The following PTPRU variants were observed in gnomAD, a reference collection of about 807,000 sequenced individuals.
The protein encoded by PTPRU is receptor-type tyrosine-protein phosphatase U.
Under a neutral mutation model 166.3 loss-of-function variants are expected in PTPRU, and 69 were observed. The ratio of observed to expected loss-of-function variants is 0.41; its 90% confidence interval spans 0.34 to 0.51. The LOEUF (loss-of-function observed/expected upper bound fraction) is 0.51. PTPRU is among the 20% of genes least tolerant of loss of function. The probability of loss-of-function intolerance (pLI) is 0.09; values close to 1 mark genes in which losing one functional copy is unlikely to be tolerated. For synonymous variants in PTPRU, 793 were observed against 814.0 expected, an observed-to-expected ratio of 0.97 and a Z score of 0.44; for missense variants, 1,657 against 2,013.7, an observed-to-expected ratio of 0.82 and a Z score of 3.39.
In PTPRU at chr1:29,260,677, C is replaced by T; in HGVS notation, c.918C>T (p.Leu306=). Residue 306 remains leucine, a synonymous_variant, in exon 7 of 30, where the codon CTC becomes CTT. Transcript: ENST00000373779. This position sits in a 1 kb window ranked among gnomAD's most constrained non-coding sequence, Gnocchi z 8.3. ...GCCCCACCTACCTCATCATCCAGCT[C>T]AACACCAACTCCATCATTGGCGACG... ...RAGPTYLIIQ[L]NTNSIIGDGP... is the part of the protein sequence containing the mutation. The T allele has an allele frequency of 6.4e-7, 1 of 1,568,740 alleles. No individual in the cohort carries two copies. Among genetic ancestry groups the T allele is most frequent in the Non-Finnish European group, 8.7e-7 (1 of 1,154,810 alleles).
intron 7 of PTPRU, among the ~76,000 whole-genome samples, chr1:29,272,268 A>G (rs891305962): frequency 2.0e-5 from 3 of 152,250 alleles, no homozygotes; most frequent in Admixed American, 6.5e-5. Context: ...CCCAGGATAC[A>G]GGGAGCAGTG....
chr1:29,261,388 G>C (rs1457848020), intron 7 of PTPRU, among the ~76,000 whole-genome samples: 1 of 152,138 alleles, frequency 6.6e-6, no homozygotes, highest in African/African-American at 2.4e-5. Context: ...TTGAGCCTGA[G>C]GTCTGCTCTT....
intron 8 of PTPRU, among the ~76,000 whole-genome samples, chr1:29,276,430 C>G (rs1006731398): frequency 6.6e-6 from 1 of 152,184 alleles, no homozygotes; most frequent in Non-Finnish European, 1.5e-5. Context: ...ATCACTCTAC[C>G]TCAGCCTCCC....
In PTPRU at chr1:29,277,634, C is replaced by CA. The variant is rs765813947; in HGVS notation, c.1454-1376dup. Among the ~76,000 whole-genome samples, 25 of 152,052 alleles carry CA rather than the reference C, an allele frequency of 1.6e-4. 1 individual carries two copies. The highest frequency in any genetic ancestry group is 1.2e-3 in the East Asian group (6 of 5,196). On this transcript the variant is annotated intron_variant, in intron 8 of 29. Coordinates refer to ENST00000373779, the MANE Select transcript of PTPRU (RefSeq NM_133178.4). ...ACTAATATTTAGCCCTTAGCACATT[C>CA]AAGCACCATTCTGAATGGTTTTGAT... is the stretch of plus-strand genomic sequence containing the variant.
rs745445934 is a variant in PTPRU at position 29,260,574 on chromosome 1, A to T, written c.851-36A>T. 29 of 1,460,440 alleles carry T rather than the reference A, an allele frequency of 2.0e-5. No homozygotes were observed. The highest frequency in any genetic ancestry group is 2.6e-5 in the Non-Finnish European group (29 of 1,098,184). The allele number at this position is 1,460,440 out of a possible 1,614,324, so 90.5% of individuals were successfully genotyped here. A position where few individuals can be genotyped will look rare whatever the true frequency, so the allele number is the denominator to read the frequency against. On this transcript the variant is annotated intron_variant, in intron 6 of 29. Transcript: ENST00000373779. The surrounding 1 kb of genome is among the most constrained non-coding windows in gnomAD (Gnocchi z 8.3). The stretch of plus-strand genomic sequence containing the variant: ...TTGGGTGCTGGGGTCTCACAGCAGC[A>T]TCGGTCCGCCTCGCCTCTCCCCCAT...
Position 29,323,416 on chromosome 1 carries a change from C to T in PTPRU, c.3874C>T (p.Leu1292Phe), listed in dbSNP as rs781444810. The change falls in exon 27 of 30, where the codon CTC (leucine) becomes TTC (phenylalanine). Residue 1292 changes from leucine (L) to phenylalanine (F), a missense_variant. This residue lies in a region of PTPRU where 1,190 missense variants were observed against 1,477.4 expected (regional missense o/e 0.81). Coordinates refer to ENST00000373779, the MANE Select transcript of PTPRU (RefSeq NM_133178.4). The stretch of plus-strand genomic sequence containing the variant: ...AGAGCCAGGCCGGCAGCAATATGGC[C>T]TCATGGAGGTGGAGTTTATGTCGGG... ...WPEPGRQQYGLMEVEFMSGTA... is the reference protein window; with the variant it reads ...WPEPGRQQYGFMEVEFMSGTA... 6.2e-7 allele frequency: 1 copy of T among 1,610,154 alleles called. No individual in the cohort carries two copies. The highest frequency in any genetic ancestry group is 8.5e-7 in the Non-Finnish European group (1 of 1,178,210).
rs16838069 is a variant in PTPRU, at chr1:29,275,862, G to A, written c.1453+106G>A. ...GTATTTTTTTCTTTTTTTTGCTTAG[G>A]ATTAAACCAACTGTATAACACCAAA... On this transcript the variant is annotated intron_variant, in intron 8 of 29. Coordinates refer to ENST00000373779, the MANE Select transcript of PTPRU (RefSeq NM_133178.4). 1.7e-3 allele frequency: 2,247 copies of A among 1,290,362 alleles called. 34 individuals are homozygous for A. In the African/African-American group the frequency reaches 0.03, roughly 18 times the overall value. The allele number at this position is 1,290,362 out of a possible 1,614,324, so 79.9% of individuals were successfully genotyped here.
At chr1:29,306,514 C>T (rs1687395550) in intron 18 of PTPRU, among the ~76,000 whole-genome samples, 2 of 152,214 alleles carry the variant, frequency 1.3e-5, no homozygotes, top group Admixed American at 1.3e-4. Flanking sequence ...TGAGCAAGTG[C>T]AGGCCAGGAG....
At position 29,258,652 on chromosome 1, in the gene PTPRU, G is replaced by A; in HGVS notation, c.353G>A (p.Gly118Asp). The A allele has an allele frequency of 6.2e-7, 1 of 1,614,252 alleles. No homozygotes were observed. Among genetic ancestry groups the A allele is most frequent in the East Asian group, 2.2e-5 (1 of 44,880 alleles). The change falls in exon 3 of 30, where the codon GGC becomes GAC. Residue 118 changes from glycine (G) to aspartate (D), a missense_variant. Gly to Asp is a moderately conservative substitution (Grantham distance 94). Transcript: ENST00000373779. ...SRDGHSPGTLGVYVRVNGGPL... is the reference protein window; with the variant it reads ...SRDGHSPGTLDVYVRVNGGPL... ...GACGGGCACAGCCCGGGCACCCTGG[G>A]CGTCTACGTGCGCGTTAATGGGGGC...
chr1:29,310,745 G>C lies in PTPRU; in HGVS notation c.2822G>C (p.Gly941Ala), dbSNP rs776458421. Reference sequence around the variant, plus strand: ...CCGTGCCCTCTCCTCCTGTTCCAGGGTTACCACAGGTCAAACCACTTCATA... The same window carrying C: ...CCGTGCCCTCTCCTCCTGTTCCAGGCTTACCACAGGTCAAACCACTTCATA... ...ADYINANYID[G>A]YHRSNHFIAT... The change falls in exon 19 of 30, where the codon GGT becomes GCT. Residue 941 changes from glycine to alanine, a missense_variant and splice_region_variant. By Grantham distance (60) the Gly-to-Ala change is moderately conservative. This residue lies in a region of PTPRU where 1,190 missense variants were observed against 1,477.4 expected (regional missense o/e 0.81). Coordinates refer to ENST00000373779, the MANE Select transcript of PTPRU (RefSeq NM_133178.4). 5.6e-6 allele frequency: 9 copies of C among 1,613,658 alleles called. No homozygotes were observed. Among genetic ancestry groups the C allele is most frequent in the Non-Finnish European group, 7.6e-6 (9 of 1,179,720 alleles).
In PTPRU at chr1:29,260,061, C is replaced by CGGG; in HGVS notation, c.850+19_850+21dup. On this transcript the variant is annotated intron_variant, in intron 6 of 29. Transcript: ENST00000373779. This position sits in a 1 kb window ranked among gnomAD's most constrained non-coding sequence, Gnocchi z 8.3. Reference sequence around the variant, plus strand: ...TCGTCAAGGGTCAGCTGGTGGACGCCGGGGAGCGCCGGGACCTCACCCTCG... The same window carrying CGGG: ...TCGTCAAGGGTCAGCTGGTGGACGCCGGGGGGGAGCGCCGGGACCTCACCCTCG... 8.6e-7 allele frequency: 1 copy of CGGG among 1,165,122 alleles called. No individual in the cohort carries two copies. Among genetic ancestry groups the CGGG allele is most frequent in the Non-Finnish European group, 1.1e-6 (1 of 934,890 alleles). 72.2% of individuals were successfully genotyped at this position (1,165,122 alleles called of 1,614,324 possible). A position where few individuals can be genotyped will look rare whatever the true frequency, so the allele number is the denominator to read the frequency against.
chr1:29,240,578 A>G (rs2151937476), intron 1 of PTPRU, among the ~76,000 whole-genome samples: 1 of 151,922 alleles, frequency 6.6e-6, no homozygotes, highest in Admixed American at 6.5e-5. Context: ...CCATGTTGAG[A>G]GTGTCATCTG....
chr1:29,313,764 A>C (rs962626140), intron 22 of PTPRU, among the ~76,000 whole-genome samples: 7 of 152,128 alleles, frequency 4.6e-5, no homozygotes, highest in Admixed American at 4.6e-4. Flanking sequence ...CTGAGGTGGG[A>C]AGTTTGTTTG....
At chr1:29,270,126 A>C (rs996778725) in intron 7 of PTPRU, among the ~76,000 whole-genome samples, 1 of 152,280 alleles carries the variant, frequency 6.6e-6, no homozygotes, top group African/African-American at 2.4e-5. Flanking sequence ...GCTTTAAAAA[A>C]TGGTTGTGCC....
rs1683873557 is a variant in PTPRU, at chr1:29,238,233, G to T, written c.73+1516G>T. Among the ~76,000 whole-genome samples, 1 of 151,760 alleles carries T rather than the reference G, an allele frequency of 6.6e-6. No homozygotes were observed. The highest frequency in any genetic ancestry group is 1.5e-5 in the Non-Finnish European group (1 of 67,924). On this transcript the variant is annotated intron_variant, in intron 1 of 29. Coordinates refer to ENST00000373779, the MANE Select transcript of PTPRU (RefSeq NM_133178.4). This position sits in a 1 kb window ranked among gnomAD's most constrained non-coding sequence, Gnocchi z 6.1. ...GGAGCCTGTGTTTGTGTGTCCGTGT[G>T]CTCGTCGGAGTGTGGACGGTGTGTC...
intron 5 of PTPRU, 25 bp downstream of exon 5, chr1:29,259,589 T>TGGGGGGGG: frequency 4.0e-6 from 1 of 250,406 alleles, no homozygotes. Flanking sequence ...TGATCTTGGC[T>TGGGGGGGG]GGGGGCGGGG....
In PTPRU at chr1:29,279,048, C is replaced by G; in HGVS notation, c.1490C>G (p.Thr497Ser). Residue 497 changes from threonine to serine, a missense_variant, in exon 9 of 30, where the codon ACT becomes AGT. By Grantham distance (58) the Thr-to-Ser change is moderately conservative (BLOSUM62 1). Transcript: ENST00000373779. This position sits in a 1 kb window ranked among gnomAD's most constrained non-coding sequence, Gnocchi z 5.2. ...ATTGCAGCCGAGTCCCTGACCTTCACTCCACTGGAGGACATGATCTTCCTC... is the reference window on the plus strand; with the variant it reads ...ATTGCAGCCGAGTCCCTGACCTTCAGTCCACTGGAGGACATGATCTTCCTC... ...SGIAAESLTF[T>S]PLEDMIFLKW... 8 of 1,593,324 alleles carry G rather than the reference C, an allele frequency of 5.0e-6. No individual in the cohort carries two copies. Among genetic ancestry groups the G allele is most frequent in the Non-Finnish European group, 6.8e-6 (8 of 1,169,440 alleles).
At chr1:29,273,443 G>C (rs1350295928) in intron 7 of PTPRU, among the ~76,000 whole-genome samples, 1 of 152,014 alleles carries the variant, frequency 6.6e-6, no homozygotes, top group Non-Finnish European at 1.5e-5. Flanking sequence ...TTATTTTTGC[G>C]CTTTTAGTAG....
chr1:29,308,337 G>T (rs1260400572), intron 18 of PTPRU, among the ~76,000 whole-genome samples: 6 of 149,666 alleles, frequency 4.0e-5, no homozygotes, highest in African/African-American at 1.5e-4. Context: ...GGGAGGCCAA[G>T]GCAGGCAGAT....
Sources: gnomAD v4.1 joint callset for allele counts (sites outside exome capture counted in the v4.1 genomes callset) on GRCh38, gnomAD v4.1.1 for gene constraint, gnomAD v4.1.1 regional missense constraint, Gnocchi (gnomAD v3.1) non-coding constraint, MANE v1.5 for transcripts, NCBI Gene and HGNC (gene_info 2026-07-23, HGNC 2026-07-21) for gene names.